PCMTD1: variants seen among roughly 807,000 people sequenced by gnomAD.
PCMTD1 encodes the protein protein-L-isoaspartate (D-aspartate) O-methyltransferase domain containing 1.
In PCMTD1, 12 loss-of-function variants were observed where a neutral mutation model predicts 37.6. The observed-to-expected ratio is 0.32, with a 90% CI of 0.20 to 0.52. PCMTD1 has a LOEUF of 0.52. Ranked by LOEUF, PCMTD1 falls within the 20% of genes least tolerant of loss-of-function variation. The pLI is 0.97. For missense variants in PCMTD1, 235 were observed against 421.3 expected (o/e 0.56, Z 3.87); for synonymous variants, 117 against 135.8 (o/e 0.86, Z 0.96).
At chr8:51,885,553 C>G (rs537022399) in intron 1 of PCMTD1, among the ~76,000 whole-genome samples, 69 of 152,270 alleles carry the variant, frequency 4.5e-4, no homozygotes, top group African/African-American at 1.6e-3. Context: ...TTGCTTCTCT[C>G]CTATAAACTT....
At chr8:51,825,325 A>G (rs1428626972) in intron 5 of PCMTD1, among the ~76,000 whole-genome samples, 1 of 152,184 alleles carries the variant, frequency 6.6e-6, no homozygotes, top group African/African-American at 2.4e-5. Flanking sequence ...CAGAATCTAC[A>G]AAGAACTTAA....
intron 1 of PCMTD1, among the ~76,000 whole-genome samples, chr8:51,882,798 T>C (rs1253925894): frequency 6.7e-6 from 1 of 149,120 alleles, no homozygotes; most frequent in Non-Finnish European, 1.5e-5. Context: ...AGCTTACAAT[T>C]TAGTTATGAA....
At chr8:51,895,986 A>G (rs2038996016) in intron 1 of PCMTD1, 1 of 118,956 alleles carries the variant, frequency 8.4e-6, no homozygotes, top group African/African-American at 3.4e-5. Context: ...CACTCTTTTG[A>G]CCAGGCTGGA....
chr8:51,871,740 G>A (rs558097019), intron 1 of PCMTD1, among the ~76,000 whole-genome samples: 3 of 152,154 alleles, frequency 2.0e-5, no homozygotes, highest in Non-Finnish European at 4.4e-5. Flanking sequence ...ACACATGAAA[G>A]TTATAGTTTT....
At chr8:51,888,661 T>G (rs534977452) in intron 1 of PCMTD1, among the ~76,000 whole-genome samples, 1 of 152,328 alleles carries the variant, frequency 6.6e-6, no homozygotes, top group South Asian at 2.1e-4. Flanking sequence ...AATGAAATAA[T>G]GTGCACATTC....
intron 3 of PCMTD1, among the ~76,000 whole-genome samples, chr8:51,834,963 C>T (rs1173804203): frequency 1.3e-5 from 2 of 152,134 alleles, no homozygotes; most frequent in Admixed American, 1.3e-4. Flanking sequence ...TAACTGTCAC[C>T]TCACTGATCA....
intron 1 of PCMTD1, among the ~76,000 whole-genome samples, chr8:51,894,454 G>C (rs1309545249): frequency 6.6e-6 from 1 of 152,062 alleles, no homozygotes; most frequent in Admixed American, 6.6e-5. Flanking sequence ...GACATGGTTG[G>C]GATTCAAATC....
At chr8:51,820,779 T>TC in intron 5 of PCMTD1, 61 bp from the exon 6 acceptor site, 1 of 1,143,588 alleles carries the variant, frequency 8.7e-7, no homozygotes, top group Non-Finnish European at 1.1e-6. Flanking sequence ...ATCTATTGTT[T>TC]ATTTTTTTCA....
chr8:51,827,084 G>A (rs2037931753), intron 5 of PCMTD1: 1 of 985,558 alleles, frequency 1.0e-6, no homozygotes, highest in African/African-American at 1.8e-5. Context: ...TCAACAGAAA[G>A]CTATTTTAAC....
intron 1 of PCMTD1, among the ~76,000 whole-genome samples, chr8:51,895,457 T>A (rs141327990): frequency 3.5e-4 from 54 of 152,332 alleles, no homozygotes; most frequent in African/African-American, 1.2e-3. Context: ...ACTCCAAGAA[T>A]ATTTTAAGCT....
intron 3 of PCMTD1, among the ~76,000 whole-genome samples, chr8:51,844,244 G>C (rs1008139153): frequency 7.2e-5 from 11 of 152,116 alleles, no homozygotes; most frequent in Non-Finnish European, 1.6e-4. Context: ...CTTGGAACTA[G>C]GATATGAACC....
intron 5 of PCMTD1, among the ~76,000 whole-genome samples, chr8:51,830,972 G>A (rs2037988745): frequency 6.8e-6 from 1 of 147,248 alleles, no homozygotes; most frequent in South Asian, 2.2e-4. Flanking sequence ...ACAGTGTCTG[G>A]TACAAGGTGA....
chr8:51,891,928 G>T (rs887366312), intron 1 of PCMTD1, among the ~76,000 whole-genome samples: 1 of 151,820 alleles, frequency 6.6e-6, no homozygotes, highest in African/African-American at 2.4e-5. Context: ...CCATGTACTT[G>T]TTATTCAACA....
intron 1 of PCMTD1, among the ~76,000 whole-genome samples, chr8:51,886,232 C>G (rs1563363219): frequency 6.6e-6 from 1 of 152,176 alleles, no homozygotes; most frequent in African/African-American, 2.4e-5. Flanking sequence ...AATCATCATC[C>G]TCTTTAGCTG....
intron 1 of PCMTD1, among the ~76,000 whole-genome samples, chr8:51,893,972 T>C (rs1454200474): frequency 6.6e-6 from 1 of 152,224 alleles, no homozygotes; most frequent in African/African-American, 2.4e-5. Flanking sequence ...TCAAGCATCT[T>C]ATATAATCCA....
intron 1 of PCMTD1, among the ~76,000 whole-genome samples, chr8:51,862,996 A>C (rs1200904887): frequency 2.0e-5 from 3 of 151,686 alleles, no homozygotes; most frequent in African/African-American, 4.8e-5. Flanking sequence ...TGGCATCTCA[A>C]CTTGCTGAGT....
At chr8:51,863,942 T>C (rs904323830) in intron 1 of PCMTD1, among the ~76,000 whole-genome samples, 1 of 149,776 alleles carries the variant, frequency 6.7e-6, no homozygotes, top group Non-Finnish European at 1.5e-5. Context: ...AAAAAAAAAA[T>C]TATCCAATCA....
chr8:51,840,729 C>T (rs1349038994), intron 3 of PCMTD1, among the ~76,000 whole-genome samples: 1 of 151,930 alleles, frequency 6.6e-6, no homozygotes, highest in African/African-American at 2.4e-5. Flanking sequence ...GTAGATATGA[C>T]CATGTCAACT....
intron 2 of PCMTD1, among the ~76,000 whole-genome samples, chr8:51,846,791 A>C (rs974296805): frequency 1.2e-4 from 18 of 152,234 alleles, no homozygotes; most frequent in African/African-American, 4.3e-4. Flanking sequence ...AGTACATGTA[A>C]AATATGGTTT....
Sources: allele counts gnomAD v4.1 joint callset (sites outside exome capture counted in the v4.1 genomes callset), GRCh38; gene constraint gnomAD v4.1.1; transcripts MANE v1.5; gene names NCBI Gene and HGNC (gene_info 2026-07-23, HGNC 2026-07-21).